Variants in CRACD observed in about 807,000 individuals in gnomAD.
CRACD encodes capping protein inhibiting regulator of actin dynamics, also known as capping protein-inhibiting regulator of actin dynamics.
Under a neutral mutation model 106.8 loss-of-function variants are expected in CRACD, and 56 were observed. The ratio of observed to expected loss-of-function variants is 0.52; its 90% confidence interval spans 0.42 to 0.66. CRACD has a LOEUF of 0.66. Ranked by LOEUF, CRACD falls within the 30% of genes least tolerant of loss-of-function variation. The pLI, the probability that CRACD is intolerant of heterozygous loss-of-function variation, is 0.00. For synonymous variants in CRACD, 754 were observed against 670.8 expected (o/e 1.12, Z -1.92); for missense variants, 1,730 against 1,623.2 (o/e 1.07, Z -1.13).
intron 1 of CRACD, among the ~76,000 whole-genome samples, chr4:56,108,268 T>C (rs1365247743): frequency 1.3e-5 from 2 of 152,216 alleles, no homozygotes; most frequent in African/African-American, 2.4e-5. Context: ...ACCACCGGTA[T>C]AATCCTGTAT....
intron 3 of CRACD, among the ~76,000 whole-genome samples, chr4:56,291,934 C>T (rs1357404613): frequency 6.6e-6 from 1 of 152,144 alleles, no homozygotes; most frequent in East Asian, 1.9e-4. Flanking sequence ...AGCCTTGGAA[C>T]TGGGTAACAG....
At chr4:56,098,290 T>G (rs550725237) in intron 1 of CRACD, among the ~76,000 whole-genome samples, 1 of 152,354 alleles carries the variant, frequency 6.6e-6, no homozygotes, top group East Asian at 1.9e-4. Flanking sequence ...TGATAGATTC[T>G]GGTATGGACA....
chr4:56,180,220 G>C (rs542282710), intron 2 of CRACD, among the ~76,000 whole-genome samples: 3 of 151,836 alleles, frequency 2.0e-5, no homozygotes, highest in Non-Finnish European at 4.4e-5. Flanking sequence ...AGCCGGGCAC[G>C]TTGGCTCACG....
intron 1 of CRACD, among the ~76,000 whole-genome samples, chr4:56,153,340 C>T (rs533108917): frequency 2.0e-5 from 3 of 152,314 alleles, no homozygotes; most frequent in Admixed American, 2.0e-4. Context: ...CTAGTCATCT[C>T]CGTCTCAGTA....
At chr4:56,067,295 G>T (rs763862039) in intron 1 of CRACD, among the ~76,000 whole-genome samples, 31 of 152,328 alleles carry the variant, frequency 2.0e-4, no homozygotes, top group African/African-American at 7.0e-4. Flanking sequence ...GAGAAAGGCT[G>T]AGTATTACAG....
intron 1 of CRACD, chr4:56,097,633 G>A (rs1267207847): frequency 6.6e-6 from 1 of 152,400 alleles, no homozygotes; most frequent in Non-Finnish European, 1.5e-5. Context: ...AGGTGAAGGT[G>A]TGTGCAAGGA....
In CRACD at chr4:56,301,976, A is replaced by G. The variant is rs1350068140; in HGVS notation, c.120+3627A>G. Reference sequence around the variant, plus strand: ...GGTGTCCTTTGTGAGGACTCTGTACATAACAGAGTCGCTCTGTGGCCAGTA... The same window carrying G: ...GGTGTCCTTTGTGAGGACTCTGTACGTAACAGAGTCGCTCTGTGGCCAGTA... On this transcript the variant is annotated intron_variant, in intron 4 of 10. Coordinates refer to ENST00000682029, the MANE Select transcript of CRACD (RefSeq NM_001393381.1). 2.0e-5 allele frequency among the ~76,000 whole-genome samples: 3 copies of G among 152,214 alleles called. No individual in the cohort carries two copies. In the East Asian group the frequency reaches 5.8e-4, roughly 29 times the overall value.
At chr4:56,285,023 C>A (rs1004853685) in intron 3 of CRACD, among the ~76,000 whole-genome samples, 1 of 152,094 alleles carries the variant, frequency 6.6e-6, no homozygotes, top group African/African-American at 2.4e-5. Context: ...ACAAGCTTAA[C>A]AGGAACCATG....
intron 2 of CRACD, among the ~76,000 whole-genome samples, chr4:56,228,554 G>A (rs1739436504): frequency 6.7e-6 from 1 of 149,370 alleles, no homozygotes; most frequent in African/African-American, 2.5e-5. Context: ...AGGATCGCTG[G>A]AGCCCAGGAG....
intron 2 of CRACD, among the ~76,000 whole-genome samples, chr4:56,231,138 C>T (rs1169803093): frequency 1.3e-5 from 2 of 152,120 alleles, no homozygotes; most frequent in Non-Finnish European, 2.9e-5. Flanking sequence ...ATTTATTTTC[C>T]TTCTAGGCTA....
chr4:56,125,764 C>CT (rs11289899), intron 1 of CRACD, among the ~76,000 whole-genome samples: 1,483 of 73,264 alleles, frequency 0.02, 36 homozygotes, highest in African/African-American at 0.029. Context: ...CATTCTTCTT[C>CT]TTTTTTTTTT....
chr4:56,143,623 T>A (rs994453018), intron 1 of CRACD, among the ~76,000 whole-genome samples: 2 of 152,202 alleles, frequency 1.3e-5, no homozygotes, highest in African/African-American at 4.8e-5. Flanking sequence ...TTAGGTTTCC[T>A]AATTTTGTGT....
At chr4:56,056,605 A>AAC (rs200524981) in intron 1 of CRACD, among the ~76,000 whole-genome samples, 2,381 of 151,824 alleles carry the variant, frequency 0.016, 72 homozygotes, top group African/African-American at 0.055. Flanking sequence ...AACCAAAAAA[A>AAC]AAACAAACAA....
chr4:56,214,681 C>CTCTCTCTCTCTCTCTCTA, intron 2 of CRACD, among the ~76,000 whole-genome samples: 4 of 80,998 alleles, frequency 4.9e-5, no homozygotes, highest in South Asian at 4.5e-4. Context: ...CTCTCTCTCT[C>CTCTCTCTCTCTCTCTCTA]TATATATATA....
intron 2 of CRACD, among the ~76,000 whole-genome samples, chr4:56,192,929 A>T (rs1341111727): frequency 6.6e-6 from 1 of 152,188 alleles, no homozygotes; most frequent in Non-Finnish European, 1.5e-5. Flanking sequence ...TTAACACAAG[A>T]CTATGAGTTC....
chr4:56,112,839 A>G (rs1734163493), intron 1 of CRACD, among the ~76,000 whole-genome samples: 1 of 151,896 alleles, frequency 6.6e-6, no homozygotes, highest in Non-Finnish European at 1.5e-5. Context: ...CTTTATTTCT[A>G]TGCTTGGAGG....
At chr4:56,076,200 A>G (rs1193860049) in intron 1 of CRACD, among the ~76,000 whole-genome samples, 7 of 152,170 alleles carry the variant, frequency 4.6e-5, no homozygotes, top group Admixed American at 3.3e-4. Flanking sequence ...GGGAAAGACC[A>G]CATGAAGGTA....
intron 1 of CRACD, among the ~76,000 whole-genome samples, chr4:56,153,194 G>T (rs527285102): frequency 6.6e-6 from 1 of 151,992 alleles, no homozygotes; most frequent in South Asian, 2.1e-4. Context: ...CAGGAGAATC[G>T]CCTGAGCCTA....
At chr4:56,165,954 G>A (rs1736125313) in intron 1 of CRACD, among the ~76,000 whole-genome samples, 1 of 152,100 alleles carries the variant, frequency 6.6e-6, no homozygotes. Flanking sequence ...TGGAACTCTT[G>A]GGCTTAAGCA....
Sources: gnomAD v4.1 joint callset for allele counts (sites outside exome capture counted in the v4.1 genomes callset) on GRCh38, gnomAD v4.1.1 for gene constraint, MANE v1.5 for transcripts, NCBI Gene and HGNC (gene_info 2026-07-23, HGNC 2026-07-21) for gene names.